COMMD8: variants seen among roughly 807,000 people sequenced by gnomAD.
COMMD8 encodes the protein COMM domain containing 8.
COMMD8 carries 28 observed loss-of-function variants against 27.2 expected under a neutral mutation model. The observed-to-expected ratio is 1.03, with a 90% CI of 0.76 to 1.41. COMMD8 has a LOEUF of 1.41. COMMD8 is among the 40% of genes most tolerant of loss of function. COMMD8 has a pLI of 0.00. For missense variants in COMMD8, 217 were observed against 211.2 expected (o/e 1.03, Z -0.17); for synonymous variants, 79 against 75.5 (o/e 1.05, Z -0.24).
Position 47,463,627 on chromosome 4 carries a change from A to G in COMMD8, c.25T>C (p.Leu9=), listed in dbSNP as rs967295378. The G allele has an allele frequency of 9.0e-6, 14 of 1,548,920 alleles. No homozygotes were observed. The highest frequency in any genetic ancestry group is 2.0e-5 in the Admixed American group (1 of 50,904). ...GCCGGCAGCTTCTGCAGCCGCCACA[A>G]GGGCGTCCCCTCTTCCGGCTCCATC... MEPEEGTP[L]WRLQKLPAEL... The change falls in exon 1 of 5, where the codon TTG becomes CTG. Residue 9 remains leucine (L), a synonymous_variant. Transcript: ENST00000381571.
intron 3 of COMMD8, among the ~76,000 whole-genome samples, chr4:47,455,728 C>G (rs1729869654): frequency 6.6e-6 from 1 of 152,276 alleles, no homozygotes. Flanking sequence ...GTCATGCTAA[C>G]ATCAAGAAAC....
At position 47,451,675 on chromosome 4, in the gene COMMD8, C is replaced by T. The variant is rs760960851; in HGVS notation, c.532-10G>A. 1 of 1,565,938 alleles carries T rather than the reference C, an allele frequency of 6.4e-7. No individual in the cohort carries two copies. Among genetic ancestry groups the T allele is most frequent in the African/African-American group, 1.4e-5 (1 of 71,042 alleles). Reference sequence around the variant, plus strand: ...TCAACTGCAGGACCACCTTAAAACACAAATTGAAGAGAAAATATCAGGTTA... The same window carrying T: ...TCAACTGCAGGACCACCTTAAAACATAAATTGAAGAGAAAATATCAGGTTA... On this transcript the variant is annotated splice_polypyrimidine_tract_variant and intron_variant, in intron 4 of 4. Coordinates refer to ENST00000381571, the MANE Select transcript of COMMD8 (RefSeq NM_017845.5).
At chr4:47,458,724 T>A (rs531248100) in intron 2 of COMMD8, among the ~76,000 whole-genome samples, 1 of 152,174 alleles carries the variant, frequency 6.6e-6, no homozygotes, top group South Asian at 2.1e-4. Context: ...TGAAGAAGCA[T>A]GAGAATGAAG....
Position 47,461,425 on chromosome 4 carries a change from T to A in COMMD8, c.67-1126A>T, listed in dbSNP as rs146285352. 5.9e-5 allele frequency among the ~76,000 whole-genome samples: 9 copies of A among 152,226 alleles called. No homozygotes were observed. The East Asian group carries it at 1.5e-3, about 26-fold the overall frequency. On this transcript the variant is annotated intron_variant, in intron 1 of 4. Coordinates refer to ENST00000381571, the MANE Select transcript of COMMD8 (RefSeq NM_017845.5). ...TGCTTCCAAATGGTGGCTAATATAC[T>A]ATACAAACTGAATTTTTATTTACCA...
At chr4:47,452,982 G>C in intron 4 of COMMD8, 77 bp downstream of exon 4, 3 of 1,303,782 alleles carry the variant, frequency 2.3e-6, no homozygotes, top group Non-Finnish European at 3.2e-6. Flanking sequence ...GGGTGACAGA[G>C]TGAGACTCCA....
rs1396117758 is a variant in COMMD8 at position 47,450,902 on chromosome 4, A to T, written c.*743T>A. ...ATATTGAGTTTATTAACAAAAGTGG[A>T]TGTGTACATAGTCTTATCTCATATT... is the stretch of plus-strand genomic sequence containing the variant. On this transcript the variant is annotated 3_prime_UTR_variant, in exon 5 of 5. Coordinates refer to ENST00000381571, the MANE Select transcript of COMMD8 (RefSeq NM_017845.5). 1 of 152,230 alleles carries T rather than the reference A, an allele frequency of 6.6e-6. No homozygotes were observed. Among genetic ancestry groups the T allele is most frequent in the Non-Finnish European group, 1.5e-5 (1 of 68,032 alleles). The allele number at this position is 152,230 out of a possible 1,614,324, so 9.4% of individuals were successfully genotyped here.
chr4:47,452,053 T>C (rs1297202204), intron 4 of COMMD8, among the ~76,000 whole-genome samples: 3 of 152,150 alleles, frequency 2.0e-5, no homozygotes, highest in African/African-American at 7.2e-5. Context: ...GCAATAGAGG[T>C]TGTAAGAATC....
intron 2 of COMMD8, among the ~76,000 whole-genome samples, chr4:47,458,179 A>G (rs1445093723): frequency 6.6e-6 from 1 of 152,130 alleles, no homozygotes; most frequent in African/African-American, 2.4e-5. Flanking sequence ...ATGGTGAAAT[A>G]GTAAACACTT....
At position 47,453,039 on chromosome 4, in the gene COMMD8, G is replaced by T; in HGVS notation, c.531+20C>A. 6.4e-7 allele frequency: 1 copy of T among 1,573,800 alleles called. No homozygotes were observed. The highest frequency in any genetic ancestry group is 1.2e-5 in the South Asian group (1 of 84,654). Reference sequence around the variant, plus strand: ...AAAACCTTAAACATTCAAATCATATGACAAAATTATAGCAAATACCTTATT... The same window carrying T: ...AAAACCTTAAACATTCAAATCATATTACAAAATTATAGCAAATACCTTATT... On this transcript the variant is annotated intron_variant, in intron 4 of 4. Transcript: ENST00000381571.
chr4:47,462,393 A>G lies in COMMD8; in HGVS notation c.66+1193T>C, dbSNP rs369481720. ...GGCTGGGTGAAAGTGGTGGTGCCAC[A>G]AACCGAAAATGAGGCTACGGGAGGA... On this transcript the variant is annotated intron_variant, in intron 1 of 4. Coordinates refer to ENST00000381571, the MANE Select transcript of COMMD8 (RefSeq NM_017845.5). Among the ~76,000 whole-genome samples the G allele has an allele frequency of 2.0e-4, 30 of 152,246 alleles. 1 individual carries two copies. In the South Asian group the frequency reaches 4.8e-3, roughly 24 times the overall value.
At chr4:47,455,768 G>T (rs1729870378) in intron 3 of COMMD8, among the ~76,000 whole-genome samples, 1 of 151,902 alleles carries the variant, frequency 6.6e-6, no homozygotes, top group Admixed American at 6.6e-5. Context: ...TTCATCTACT[G>T]GTCTAGGTAT....
chr4:47,452,936 C>T (rs994730307), intron 4 of COMMD8, 123 bp downstream of exon 4: 22 of 719,450 alleles, frequency 3.1e-5, no homozygotes, highest in Non-Finnish European at 3.9e-5. Flanking sequence ...GCGGAGGTTG[C>T]AGTGAGCCGA....
chr4:47,454,303 A>C (rs955835784), intron 3 of COMMD8, among the ~76,000 whole-genome samples: 1 of 152,170 alleles, frequency 6.6e-6, no homozygotes, highest in African/African-American at 2.4e-5. Flanking sequence ...GGAGCCACAA[A>C]GCATTTATAT....
Position 47,458,730 on chromosome 4 carries a change from T to G in COMMD8, c.222+1414A>C, listed in dbSNP as rs549367798. On this transcript the variant is annotated intron_variant, in intron 2 of 4. Transcript: ENST00000381571. ...AGGCACTCCTGAAGAAGCATGAGAATGAAGGTCTTCTATTACCAGATATGA... is the reference window on the plus strand; with the variant it reads ...AGGCACTCCTGAAGAAGCATGAGAAGGAAGGTCTTCTATTACCAGATATGA... Among the ~76,000 whole-genome samples, 21 of 152,186 alleles carry G rather than the reference T, an allele frequency of 1.4e-4. No individual in the cohort carries two copies. In the South Asian group the frequency reaches 4.3e-3, roughly 32 times the overall value.
At chr4:47,460,029 A>T (rs935279133) in intron 2 of COMMD8, 115 bp downstream of exon 2, 1 of 777,378 alleles carries the variant, frequency 1.3e-6, no homozygotes, top group South Asian at 2.6e-5. Context: ...ATTCACAATT[A>T]TAAGGTATTT....
Position 47,451,738 on chromosome 4 carries a change from T to C in COMMD8, c.532-73A>G, listed in dbSNP as rs1301689884. On this transcript the variant is annotated intron_variant, in intron 4 of 4. Transcript: ENST00000381571. Reference sequence around the variant, plus strand: ...GCTGATATATTCCATATTAAATGCTTTGAAGTCTCTGAAAAAGGGCATGGA... The same window carrying C: ...GCTGATATATTCCATATTAAATGCTCTGAAGTCTCTGAAAAAGGGCATGGA... 2.5e-6 allele frequency: 3 copies of C among 1,188,176 alleles called. No homozygotes were observed. In the Admixed American group the frequency reaches 8.0e-5, roughly 32 times the overall value. 73.6% of individuals were successfully genotyped at this position (1,188,176 alleles called of 1,614,324 possible).
intron 2 of COMMD8, 102 bp from the exon 3 acceptor site, chr4:47,456,831 G>A (rs374089976): frequency 1.3e-6 from 1 of 797,684 alleles, no homozygotes. Context: ...AAAAGAAAAA[G>A]AGAAATACTT....
intron 3 of COMMD8, among the ~76,000 whole-genome samples, chr4:47,454,586 T>A (rs2109353973): frequency 6.6e-6 from 1 of 152,198 alleles, no homozygotes; most frequent in East Asian, 1.9e-4. Context: ...TGCAATTCTG[T>A]CAGGCACAGT....
Position 47,460,301 on chromosome 4 carries a change from T to C in COMMD8, c.67-2A>G. The C allele has an allele frequency of 3.7e-6, 6 of 1,607,638 alleles. No individual in the cohort carries two copies. Among genetic ancestry groups the C allele is most frequent in the Non-Finnish European group, 5.1e-6 (6 of 1,177,774 alleles). On this transcript the variant is annotated splice_acceptor_variant, in intron 1 of 4. Transcript: ENST00000381571. LOFTEE classifies it high-confidence loss of function. ...GCCATCAATTATTTTGTGAAGAAGC[T>C]AGCAAGAAAAAAGGAAATAAATGTA...
Sources: allele counts gnomAD v4.1 joint callset (sites outside exome capture counted in the v4.1 genomes callset), GRCh38; gene constraint gnomAD v4.1.1; transcripts MANE v1.5; gene names NCBI Gene and HGNC (gene_info 2026-07-23, HGNC 2026-07-21).